The following LIN7A variants were observed in gnomAD, a reference collection of about 807,000 sequenced individuals.
LIN7A encodes protein lin-7 homolog A.
Under a neutral mutation model 29.8 loss-of-function variants are expected in LIN7A, and 25 were observed. The observed-to-expected ratio is 0.84, with a 90% CI of 0.61 to 1.17. The LOEUF is 1.17. Ranked by LOEUF, LIN7A falls within the 50% of genes most tolerant of loss-of-function variation. The pLI is 0.00. For synonymous variants in LIN7A, 118 were observed against 107.5 expected (o/e 1.10, Z -0.60); for missense variants, 239 against 287.0 (o/e 0.83, Z 1.21).
rs1379463735 is a variant in LIN7A, at chr12:80,807,077, T to TGTTTTTTTTTTTTG, written c.*4387_*4388insCAAAAAAAAAAAAC. Among the ~76,000 whole-genome samples, 9 of 115,558 alleles carry TGTTTTTTTTTTTTG rather than the reference T, an allele frequency of 7.8e-5. 1 individual carries two copies. The South Asian group carries it at 8.9e-4, about 11-fold the overall frequency. The allele number at this position is 115,558 out of a possible 152,430, so 75.8% of individuals were successfully genotyped here. A position where few individuals can be genotyped will look rare whatever the true frequency, so the allele number is the denominator to read the frequency against. ...ATGAAGATGGAGTTTTTTTTTTTTTTTTTTTTTTTTTTTTGACGGAGTCTC... is the reference window on the plus strand; with the variant it reads ...ATGAAGATGGAGTTTTTTTTTTTTTTGTTTTTTTTTTTTGTTTTTTTTTTTTTTGACGGAGTCTC... On this transcript the variant is annotated intron_variant, in intron 5 of 5. Transcript: ENST00000552864.
chr12:80,840,122 T>A (rs1872743579), intron 4 of LIN7A, among the ~76,000 whole-genome samples: 1 of 152,170 alleles, frequency 6.6e-6, no homozygotes, highest in East Asian at 1.9e-4. Context: ...CAGTAAAATA[T>A]CACCTTTTGG....
intron 1 of LIN7A, among the ~76,000 whole-genome samples, chr12:80,921,102 T>C (rs563594783): frequency 6.6e-6 from 1 of 152,272 alleles, no homozygotes; most frequent in Admixed American, 6.5e-5. Context: ...GACTTTGAGA[T>C]ATGATTAAGT....
intron 1 of LIN7A, 111 bp from the exon 2 acceptor site, chr12:80,889,480 T>A: frequency 1.5e-6 from 1 of 687,572 alleles, no homozygotes; most frequent in East Asian, 2.7e-5. Context: ...TGGACTTAAA[T>A]TGCATAATCA....
intron 2 of LIN7A, among the ~76,000 whole-genome samples, chr12:80,855,815 G>A (rs938581281): frequency 3.3e-5 from 5 of 152,056 alleles, no homozygotes; most frequent in African/African-American, 1.2e-4. Context: ...AATTTGGTCT[G>A]CTTGTTTTAG....
chr12:80,802,646 T>G (rs1754843486), intron 5 of LIN7A, among the ~76,000 whole-genome samples: 1 of 152,106 alleles, frequency 6.6e-6, no homozygotes, highest in South Asian at 2.1e-4. Flanking sequence ...CTTTTTTCTT[T>G]TTTAAAATTT....
At chr12:80,815,749 T>C (rs528370436) in intron 4 of LIN7A, among the ~76,000 whole-genome samples, 5 of 152,220 alleles carry the variant, frequency 3.3e-5, no homozygotes, top group Admixed American at 2.0e-4. Flanking sequence ...TGAAATTCTA[T>C]ATTTTTAAGT....
intron 4 of LIN7A, chr12:80,841,783 A>T: frequency 1.8e-6 from 1 of 548,706 alleles, no homozygotes; most frequent in Non-Finnish European, 2.3e-6. Context: ...CCTTATAAAT[A>T]GTCCTTGAGT....
intron 1 of LIN7A, among the ~76,000 whole-genome samples, chr12:80,924,968 C>T (rs779383719): frequency 6.6e-6 from 1 of 152,096 alleles, no homozygotes; most frequent in East Asian, 1.9e-4. Context: ...CTGCCTGAGT[C>T]TAATTTTAAA....
intron 1 of LIN7A, among the ~76,000 whole-genome samples, chr12:80,933,602 C>G (rs1878038607): frequency 6.6e-6 from 1 of 152,204 alleles, no homozygotes; most frequent in Non-Finnish European, 1.5e-5. Flanking sequence ...GTTACATCAT[C>G]TGACCCCCGG....
intron 2 of LIN7A, among the ~76,000 whole-genome samples, chr12:80,877,943 G>C (rs1378916093): frequency 6.6e-6 from 1 of 151,464 alleles, no homozygotes; most frequent in African/African-American, 2.4e-5. Context: ...GATCTCAACA[G>C]AAGACAGAAT....
rs1268537537 is a variant in LIN7A at position 80,796,494 on chromosome 12, A to G, written c.*1233T>C. The G allele has an allele frequency of 1.3e-5, 2 of 152,106 alleles. No homozygotes were observed. The highest frequency in any genetic ancestry group is 2.4e-5 in the African/African-American group (1 of 41,440). 9.4% of individuals were successfully genotyped at this position (152,106 alleles called of 1,614,324 possible). ...TCTGAAAAATGATATCTCATTGTCT[A>G]TTTACCTATGGGAATATATTAAAGT... On this transcript the variant is annotated 3_prime_UTR_variant, in exon 6 of 6. Transcript: ENST00000552864.
At chr12:80,877,366 C>T (rs1219150685) in intron 2 of LIN7A, among the ~76,000 whole-genome samples, 5 of 152,050 alleles carry the variant, frequency 3.3e-5, no homozygotes, top group Admixed American at 2.0e-4. Flanking sequence ...GAATGAACCA[C>T]AACAATGCAA....
intron 4 of LIN7A, among the ~76,000 whole-genome samples, chr12:80,823,879 C>T (rs899140446): frequency 5.9e-5 from 9 of 152,190 alleles, no homozygotes; most frequent in African/African-American, 2.2e-4. Context: ...AAAAGTGGAG[C>T]TAAGAAGAAA....
At chr12:80,873,673 T>A (rs1027751804) in intron 2 of LIN7A, among the ~76,000 whole-genome samples, 2 of 152,182 alleles carry the variant, frequency 1.3e-5, no homozygotes, top group Non-Finnish European at 2.9e-5. Context: ...TAGACCTCAA[T>A]GATTTATCTG....
chr12:80,883,962 G>C (rs1412691466), intron 2 of LIN7A, among the ~76,000 whole-genome samples: 4 of 152,064 alleles, frequency 2.6e-5, no homozygotes, highest in African/African-American at 9.7e-5. Context: ...CACTTGAACA[G>C]TAGACGGATA....
Position 80,891,466 on chromosome 12 carries a change from A to G in LIN7A, c.83-2097T>C, listed in dbSNP as rs1875621523. On this transcript the variant is annotated intron_variant, in intron 1 of 5. Coordinates refer to ENST00000552864, the MANE Select transcript of LIN7A (RefSeq NM_004664.4). ...ATTTTTGCTATTTCTAAGACATGCC[A>G]CAGAATTCCACACCTATGTTTTGGC... 2.6e-5 allele frequency among the ~76,000 whole-genome samples: 4 copies of G among 152,204 alleles called. No individual in the cohort carries two copies. The South Asian group carries it at 8.3e-4, about 31-fold the overall frequency.
At chr12:80,904,465 A>G (rs1410139137) in intron 1 of LIN7A, among the ~76,000 whole-genome samples, 1 of 152,150 alleles carries the variant, frequency 6.6e-6, no homozygotes. Context: ...CCCACCTTCT[A>G]GTAACTACCA....
At chr12:80,891,852 G>C (rs1875643997) in intron 1 of LIN7A, among the ~76,000 whole-genome samples, 1 of 152,210 alleles carries the variant, frequency 6.6e-6, no homozygotes, top group African/African-American at 2.4e-5. Context: ...CTTGTTAAGA[G>C]AGTGTGGGAT....
At chr12:80,923,076 A>T (rs1266122512) in intron 1 of LIN7A, among the ~76,000 whole-genome samples, 1 of 152,116 alleles carries the variant, frequency 6.6e-6, no homozygotes, top group African/African-American at 2.4e-5. Context: ...AAGAAGATCC[A>T]CCCTCACCTA....
Sources: allele counts gnomAD v4.1 joint callset (sites outside exome capture counted in the v4.1 genomes callset), GRCh38; gene constraint gnomAD v4.1.1; transcripts MANE v1.5; gene names NCBI Gene and HGNC (gene_info 2026-07-23, HGNC 2026-07-21).